KCTD3: variants seen among roughly 807,000 people sequenced by gnomAD.
The protein encoded by KCTD3 is BTB/POZ domain-containing protein KCTD3.
KCTD3 carries 41 observed loss-of-function variants against 85.8 expected under a neutral mutation model. The ratio of observed to expected loss-of-function variants is 0.48; its 90% CI spans 0.37 to 0.62. The LOEUF is 0.62. Among genes scored for constraint, KCTD3 ranks in the 20% least tolerant of loss-of-function variants. The probability of loss-of-function intolerance (pLI) is 0.00; values close to 1 mark genes in which losing one functional copy is unlikely to be tolerated. For missense variants in KCTD3, 724 were observed against 989.9 expected (o/e 0.73, Z 3.60); for synonymous variants, 338 against 345.4 (o/e 0.98, Z 0.24).
At chr1:215,596,966 G>T (rs921272084) in intron 10 of KCTD3, among the ~76,000 whole-genome samples, 4 of 152,120 alleles carry the variant, frequency 2.6e-5, no homozygotes, top group Admixed American at 2.6e-4. Flanking sequence ...CTTTCTCTGT[G>T]ACAGAAGGGT....
chr1:215,605,278 G>C (rs1422668810), intron 13 of KCTD3, among the ~76,000 whole-genome samples: 1 of 152,150 alleles, frequency 6.6e-6, no homozygotes, highest in Non-Finnish European at 1.5e-5. Flanking sequence ...ACCATGTGGA[G>C]CTGAAATTCA....
At chr1:215,575,612 A>T (rs1252779705) in intron 3 of KCTD3, among the ~76,000 whole-genome samples, 1 of 152,198 alleles carries the variant, frequency 6.6e-6, no homozygotes, top group Non-Finnish European at 1.5e-5. Context: ...CTTTTACCAA[A>T]GGTATCAATA....
chr1:215,569,567 A>C (rs1458284181), intron 1 of KCTD3, among the ~76,000 whole-genome samples: 1 of 151,502 alleles, frequency 6.6e-6, no homozygotes, highest in African/African-American at 2.4e-5. Flanking sequence ...GTTTTAACTC[A>C]TAAGGCAGTT....
intron 14 of KCTD3, among the ~76,000 whole-genome samples, chr1:215,610,036 A>G (rs1479670020): frequency 6.6e-6 from 1 of 151,948 alleles, no homozygotes; most frequent in African/African-American, 2.4e-5. Flanking sequence ...ATTAATTATA[A>G]AACCCAGTAA....
intron 8 of KCTD3, among the ~76,000 whole-genome samples, chr1:215,586,281 A>G (rs188566956): frequency 4.6e-5 from 7 of 152,272 alleles, no homozygotes; most frequent in Non-Finnish European, 7.4e-5. Context: ...TATATGTGCT[A>G]TGTATGCAAG....
intron 3 of KCTD3, 67 bp downstream of exon 3, chr1:215,574,185 G>A (rs1659482838): frequency 1.1e-6 from 1 of 896,918 alleles, no homozygotes; most frequent in African/African-American, 1.6e-5. Flanking sequence ...CTAACATATA[G>A]TTACTCTAAG....
Position 215,620,462 on chromosome 1 carries a change from C to G in KCTD3, c.2292C>G (p.Phe764Leu). 1.2e-6 allele frequency: 2 copies of G among 1,613,678 alleles called. No homozygotes were observed. Among genetic ancestry groups the G allele is most frequent in the Non-Finnish European group, 1.7e-6 (2 of 1,179,728 alleles). The change falls in exon 18 of 18, where the codon TTC (phenylalanine) becomes TTG (leucine). Residue 764 changes from phenylalanine (F) to leucine (L), a missense_variant. This residue lies in a region of KCTD3 where 222 missense variants were observed against 217.7 expected (regional missense o/e 1.02). Transcript: ENST00000259154. ...RKKGGFEGGG[F>L]LGRKKVPYLA... The stretch of plus-strand genomic sequence containing the variant: ...AAGGAGGATTTGAAGGGGGAGGATT[C>G]CTTGGAAGAAAGAAAGTTCCCTATC...
intron 8 of KCTD3, 142 bp downstream of exon 8, chr1:215,580,141 TGATTAA>T (rs1254464912): frequency 1.5e-5 from 9 of 585,978 alleles, no homozygotes. Context: ...CTGTATCATC[TGATTAA>T]GATTTAGTGT....
At chr1:215,594,642 T>C (rs1226176212) in intron 9 of KCTD3, among the ~76,000 whole-genome samples, 1 of 151,952 alleles carries the variant, frequency 6.6e-6, no homozygotes, top group Non-Finnish European at 1.5e-5. Context: ...TATCAAATTA[T>C]AATTGGTTGC....
At chr1:215,584,701 G>A (rs1432608973) in intron 8 of KCTD3, among the ~76,000 whole-genome samples, 1 of 152,114 alleles carries the variant, frequency 6.6e-6, no homozygotes, top group Non-Finnish European at 1.5e-5. Context: ...AGTCAAATTT[G>A]ATTCCTTAAA....
intron 4 of KCTD3, among the ~76,000 whole-genome samples, chr1:215,576,303 A>G (rs1385366289): frequency 6.6e-6 from 1 of 152,010 alleles, no homozygotes; most frequent in Non-Finnish European, 1.5e-5. Flanking sequence ...GCCTGAGCTC[A>G]GGCAGTCTCC....
At chr1:215,573,739 T>C (rs757523086) in intron 1 of KCTD3, 47 bp from the exon 2 acceptor site, 15 of 1,187,118 alleles carry the variant, frequency 1.3e-5, no homozygotes, top group Middle Eastern at 1.9e-4. Flanking sequence ...ATACTGAAAT[T>C]TCAAATCATG....
chr1:215,620,685 TAC>T lies in KCTD3; in HGVS notation c.*69_*70del, dbSNP rs1655649863. The T allele has an allele frequency of 1.0e-5, 12 of 1,144,244 alleles. No individual in the cohort carries two copies. Among genetic ancestry groups the T allele is most frequent in the Non-Finnish European group, 1.5e-5 (12 of 810,850 alleles). The allele number at this position is 1,144,244 out of a possible 1,614,324, so 70.9% of individuals were successfully genotyped here. A position where few individuals can be genotyped will look rare whatever the true frequency, so the allele number is the denominator to read the frequency against. On this transcript the variant is annotated 3_prime_UTR_variant, in exon 18 of 18. Transcript: ENST00000259154. ...AAAGTTAAACTTTACTGAATTTCAGTACATTAGTTTTTACACTAAAACTTTAC... is the reference window on the plus strand; with the variant it reads ...AAAGTTAAACTTTACTGAATTTCAGTATTAGTTTTTACACTAAAACTTTAC...
chr1:215,583,105 G>A (rs1193780123), intron 8 of KCTD3, among the ~76,000 whole-genome samples: 1 of 151,828 alleles, frequency 6.6e-6, no homozygotes, highest in African/African-American at 2.4e-5. Context: ...GTCTGTAAAA[G>A]ATGAGATTAT....
intron 4 of KCTD3, among the ~76,000 whole-genome samples, chr1:215,577,465 G>A (rs976476218): frequency 6.6e-6 from 1 of 152,012 alleles, no homozygotes; most frequent in African/African-American, 2.4e-5. Flanking sequence ...TTTTTAAGTA[G>A]ATAACAGAAT....
chr1:215,591,545 A>G (rs903082122), intron 9 of KCTD3, among the ~76,000 whole-genome samples: 2 of 152,052 alleles, frequency 1.3e-5, no homozygotes, highest in Non-Finnish European at 2.9e-5. Flanking sequence ...TTTAGTAGAG[A>G]CAGGTTTCAC....
chr1:215,585,531 G>T (rs537267006), intron 8 of KCTD3, among the ~76,000 whole-genome samples: 1 of 152,306 alleles, frequency 6.6e-6, no homozygotes, highest in Admixed American at 6.5e-5. Context: ...GTGTGCAAAA[G>T]AACGCTTCTT....
intron 13 of KCTD3, among the ~76,000 whole-genome samples, chr1:215,607,444 T>A (rs1041732701): frequency 2.6e-5 from 4 of 151,936 alleles, no homozygotes; most frequent in African/African-American, 9.7e-5. Flanking sequence ...ACAAAATAAA[T>A]AAAACTAATT....
chr1:215,621,570 GT>G lies in KCTD3; in HGVS notation c.*957del, dbSNP rs1422009317. 1 of 152,378 alleles carries G rather than the reference GT, an allele frequency of 6.6e-6. No individual in the cohort carries two copies. Among genetic ancestry groups the G allele is most frequent in the East Asian group, 1.9e-4 (1 of 5,198 alleles). 9.4% of individuals were successfully genotyped at this position (152,378 alleles called of 1,614,324 possible). Reference sequence around the variant, plus strand: ...TTTTGAATTGTAAGAGCAAAAGAACGTTTTTGTACAATTTTTTTTCATTTAA... The same window carrying G: ...TTTTGAATTGTAAGAGCAAAAGAACGTTTTGTACAATTTTTTTTCATTTAA... On this transcript the variant is annotated 3_prime_UTR_variant, in exon 18 of 18. Coordinates refer to ENST00000259154, the MANE Select transcript of KCTD3 (RefSeq NM_016121.5).
Sources: gnomAD v4.1 joint callset for allele counts (sites outside exome capture counted in the v4.1 genomes callset) on GRCh38, gnomAD v4.1.1 for gene constraint, gnomAD v4.1.1 regional missense constraint, MANE v1.5 for transcripts, NCBI Gene and HGNC (gene_info 2026-07-23, HGNC 2026-07-21) for gene names.